ADAMTSL3: variants seen among roughly 807,000 people sequenced by gnomAD.
ADAMTSL3 encodes ADAMTS-like protein 3.
A neutral mutation model predicts 201.7 loss-of-function variants in ADAMTSL3; 128 were observed. That is an observed-to-expected ratio of 0.63 (90% CI 0.55 to 0.73). ADAMTSL3 has a LOEUF of 0.73. Among genes scored for constraint, ADAMTSL3 ranks in the 30% least tolerant of loss-of-function variants. The probability of loss-of-function intolerance (pLI) is 0.00; values close to 1 mark genes in which losing one functional copy is unlikely to be tolerated. For synonymous variants in ADAMTSL3, 738 were observed against 748.4 expected, an observed-to-expected ratio of 0.99 and a Z score of 0.23; for missense variants, 1,990 against 2,119.6, an observed-to-expected ratio of 0.94 and a Z score of 1.20.
intron 7 of ADAMTSL3, among the ~76,000 whole-genome samples, chr15:83,853,024 T>C (rs2064652912): frequency 6.6e-6 from 1 of 152,070 alleles, no homozygotes; most frequent in South Asian, 2.1e-4. Flanking sequence ...CAGCTAAATT[T>C]TGTGTTTTTT....
intron 2 of ADAMTSL3, among the ~76,000 whole-genome samples, chr15:83,698,239 T>C (rs2061714187): frequency 6.6e-6 from 1 of 152,172 alleles, no homozygotes; most frequent in African/African-American, 2.4e-5. Flanking sequence ...TCATAGTTAT[T>C]CTTGACCCTT....
chr15:83,699,996 C>G (rs1190702463), intron 2 of ADAMTSL3, among the ~76,000 whole-genome samples: 1 of 152,186 alleles, frequency 6.6e-6, no homozygotes, highest in African/African-American at 2.4e-5. Context: ...TACTATGTAT[C>G]TCCACCTCTA....
intron 11 of ADAMTSL3, 94 bp from the exon 12 acceptor site, chr15:83,891,235 T>A (rs1453386077): frequency 9.0e-7 from 1 of 1,106,076 alleles, no homozygotes. Context: ...TTGGAAGAGC[T>A]CTGTCTCTTG....
At chr15:83,741,573 G>T (rs528119198) in intron 3 of ADAMTSL3, among the ~76,000 whole-genome samples, 118 of 152,200 alleles carry the variant, frequency 7.8e-4, no homozygotes, top group African/African-American at 2.7e-3. Context: ...GAAATAAGTG[G>T]TATTAAGACT....
At chr15:83,912,115 A>G (rs1318956201) in intron 15 of ADAMTSL3, among the ~76,000 whole-genome samples, 4 of 152,176 alleles carry the variant, frequency 2.6e-5, no homozygotes, top group Non-Finnish European at 5.9e-5. Context: ...TTTTCAGAGT[A>G]TCTTAAATAT....
chr15:83,969,702 A>G (rs2142120296), intron 19 of ADAMTSL3, among the ~76,000 whole-genome samples: 1 of 152,340 alleles, frequency 6.6e-6, no homozygotes, highest in East Asian at 1.9e-4. Context: ...ATAGAATACA[A>G]TAGTGGTTTC....
Position 83,724,670 on chromosome 15 carries a change from C to T in ADAMTSL3, c.189+20162C>T, listed in dbSNP as rs191923940. On this transcript the variant is annotated intron_variant, in intron 3 of 29. Coordinates refer to ENST00000286744, the MANE Select transcript of ADAMTSL3 (RefSeq NM_207517.3). ...TTTTATCTAACTATATTTTTGTACC[C>T]ATTAGCCATCCCCACTTCCCCCACC... Among the ~76,000 whole-genome samples the T allele has an allele frequency of 2.0e-3, 303 of 151,988 alleles. 2 individuals are homozygous for T. The highest frequency in any genetic ancestry group is 7.1e-3 in the African/African-American group (294 of 41,464).
intron 2 of ADAMTSL3, among the ~76,000 whole-genome samples, chr15:83,665,253 A>G (rs1016358907): frequency 2.0e-5 from 3 of 152,184 alleles, no homozygotes; most frequent in African/African-American, 7.2e-5. Flanking sequence ...TTCAGGTTCC[A>G]AACAAGTGTT....
chr15:83,907,877 TC>T (rs2065868922), intron 15 of ADAMTSL3, among the ~76,000 whole-genome samples: 1 of 152,234 alleles, frequency 6.6e-6, no homozygotes, highest in Admixed American at 6.5e-5. Context: ...TGATTTATTT[TC>T]CTATGAGTAA....
chr15:83,688,332 A>G (rs1309210661), intron 2 of ADAMTSL3, among the ~76,000 whole-genome samples: 1 of 152,252 alleles, frequency 6.6e-6, no homozygotes, highest in African/African-American at 2.4e-5. Flanking sequence ...TGAGGCACAC[A>G]ATGAAACAGC....
chr15:83,884,435 G>A (rs577975939), intron 9 of ADAMTSL3, among the ~76,000 whole-genome samples: 2 of 148,114 alleles, frequency 1.4e-5, no homozygotes, highest in South Asian at 4.3e-4. Context: ...GCACCATGCT[G>A]GGCTAATTTT....
intron 5 of ADAMTSL3, among the ~76,000 whole-genome samples, chr15:83,807,257 C>G (rs941067018): frequency 2.6e-5 from 4 of 152,060 alleles, no homozygotes; most frequent in Non-Finnish European, 5.9e-5. Flanking sequence ...AATTCAAAAA[C>G]TAGCCTGGCC....
chr15:83,803,878 C>G (rs1400152952), intron 4 of ADAMTSL3, among the ~76,000 whole-genome samples: 1 of 152,200 alleles, frequency 6.6e-6, no homozygotes, highest in East Asian at 1.9e-4. Context: ...TGCAGTAGCT[C>G]ACGCCTGTAA....
chr15:83,910,550 G>A (rs187089741), intron 15 of ADAMTSL3, among the ~76,000 whole-genome samples: 5 of 148,976 alleles, frequency 3.4e-5, no homozygotes, highest in East Asian at 4.0e-4. Flanking sequence ...TAAAAAGATC[G>A]TTGAAAACCA....
At position 84,025,747 on chromosome 15, in the gene ADAMTSL3, G is replaced by A. The variant is rs564149637; in HGVS notation, c.4656+311G>A. 3.9e-5 allele frequency among the ~76,000 whole-genome samples: 6 copies of A among 152,266 alleles called. No homozygotes were observed. In the East Asian group the frequency reaches 1.2e-3, roughly 29 times the overall value. ...CAGGAAAATGAGGAGGGGAACATTA[G>A]TGGTATCTGCACAAAAGCCTCAGAA... is the stretch of plus-strand genomic sequence containing the variant. On this transcript the variant is annotated intron_variant, in intron 27 of 29. Transcript: ENST00000286744.
chr15:83,927,221 A>AT lies in ADAMTSL3; in HGVS notation c.2117+3190dup, dbSNP rs2066265982. On this transcript the variant is annotated intron_variant, in intron 17 of 29. Transcript: ENST00000286744. Reference sequence around the variant, plus strand: ...AGCCTCTGCCTCCTGGGTTCAAGTGATTCTCCTGCCTGAGCTTCCTGAGTA... The same window carrying AT: ...AGCCTCTGCCTCCTGGGTTCAAGTGATTTCTCCTGCCTGAGCTTCCTGAGTA... Among the ~76,000 whole-genome samples, 3 of 151,438 alleles carry AT rather than the reference A, an allele frequency of 2.0e-5. No homozygotes were observed. In the South Asian group the frequency reaches 6.2e-4, roughly 31 times the overall value.
At chr15:83,701,573 TC>T (rs2061777866) in intron 2 of ADAMTSL3, among the ~76,000 whole-genome samples, 1 of 152,168 alleles carries the variant, frequency 6.6e-6, no homozygotes, top group African/African-American at 2.4e-5. Context: ...ATAATTTGAA[TC>T]ATGGGGGAGG....
At chr15:83,999,612 G>C (rs993377885) in intron 23 of ADAMTSL3, among the ~76,000 whole-genome samples, 1 of 152,136 alleles carries the variant, frequency 6.6e-6, no homozygotes, top group African/African-American at 2.4e-5. Context: ...ATTCCACACG[G>C]TGCATGCACA....
At chr15:83,704,353 G>T in intron 2 of ADAMTSL3, 36 bp from the exon 3 acceptor site, 1 of 1,613,944 alleles carries the variant, frequency 6.2e-7, no homozygotes, top group Non-Finnish European at 8.5e-7. Flanking sequence ...GTCCTTACTG[G>T]AGCCTTATTT....
Sources: gnomAD v4.1 joint callset for allele counts (sites outside exome capture counted in the v4.1 genomes callset) on GRCh38, gnomAD v4.1.1 for gene constraint, MANE v1.5 for transcripts, NCBI Gene and HGNC (gene_info 2026-07-23, HGNC 2026-07-21) for gene names.